The following FGF10 variants were observed in gnomAD, a reference collection of about 807,000 sequenced individuals.
FGF10 encodes fibroblast growth factor 10.
In FGF10, 2 loss-of-function variants were observed where a neutral mutation model predicts 19.8. That is an observed-to-expected ratio of 0.10 (90% CI 0.04 to 0.32). The LOEUF is 0.32. Ranked by LOEUF, FGF10 falls within the 10% of genes least tolerant of loss-of-function variation. FGF10 has a pLI of 1.00. For synonymous variants in FGF10, 112 were observed against 94.0 expected, an observed-to-expected ratio of 1.19 and a Z score of -1.10; for missense variants, 191 against 246.3, an observed-to-expected ratio of 0.78 and a Z score of 1.50.
At chr5:44,322,417 C>T (rs1471469149) in intron 1 of FGF10, among the ~76,000 whole-genome samples, 1 of 152,150 alleles carries the variant, frequency 6.6e-6, no homozygotes, top group Non-Finnish European at 1.5e-5. Flanking sequence ...GGCCTTCTTT[C>T]TCACAGCTGG....
intron 1 of FGF10, among the ~76,000 whole-genome samples, chr5:44,344,807 T>C (rs1028092843): frequency 6.6e-6 from 1 of 151,462 alleles, no homozygotes; most frequent in African/African-American, 2.4e-5. Context: ...AAGGAAGTTT[T>C]GGAACTTTCA....
chr5:44,341,521 G>A (rs979305939), intron 1 of FGF10, among the ~76,000 whole-genome samples: 3 of 151,746 alleles, frequency 2.0e-5, no homozygotes, highest in Admixed American at 2.0e-4. Flanking sequence ...CCTGATGAGT[G>A]TTTTCAAGTA....
chr5:44,306,727 A>G (rs1379228100), intron 2 of FGF10, among the ~76,000 whole-genome samples: 1 of 152,236 alleles, frequency 6.6e-6, no homozygotes, highest in African/African-American at 2.4e-5. Flanking sequence ...TACCAGCTCA[A>G]GTTATCTGTC....
chr5:44,388,537 G>A lies in FGF10; in HGVS notation c.146C>T (p.Ala49Val), dbSNP rs751081612. The stretch of plus-strand genomic sequence containing the variant: ...GAAGGAGGAGGAAGAAGAGTTGGTG[G>A]CCTCTGGTGACACCATGTCCTGACC... The part of the protein sequence containing the change: ...ALGQDMVSPE[A>V]TNSSSSSFSS... The change falls in exon 1 of 3, where the codon GCC becomes GTC. Residue 49 changes from alanine (A) to valine (V), a missense_variant. Transcript: ENST00000264664. 4.3e-5 allele frequency: 69 copies of A among 1,614,044 alleles called. 2 individuals carry two copies. The South Asian group carries it at 7.4e-4, about 17-fold the overall frequency.
rs567320271 is a variant in FGF10, at chr5:44,301,982, A to T, written c.*3013T>A. ...TTTATGAGGAGTATTCTCAGAACCA[A>T]AACTCAAATGGACACATATTTGTGG... On this transcript the variant is annotated 3_prime_UTR_variant, in exon 3 of 3. Transcript: ENST00000264664. Among the ~76,000 whole-genome samples, 4 of 152,126 alleles carry T rather than the reference A, an allele frequency of 2.6e-5. No individual in the cohort carries two copies. Among genetic ancestry groups the T allele is most frequent in the African/African-American group, 9.7e-5 (4 of 41,410 alleles).
At position 44,383,858 on chromosome 5, in the gene FGF10, A is replaced by G. The variant is rs1742040613; in HGVS notation, c.325+4500T>C. 3.3e-5 allele frequency among the ~76,000 whole-genome samples: 5 copies of G among 152,048 alleles called. No homozygotes were observed. The South Asian group carries it at 1.0e-3, about 32-fold the overall frequency. On this transcript the variant is annotated intron_variant, in intron 1 of 2. Coordinates refer to ENST00000264664, the MANE Select transcript of FGF10 (RefSeq NM_004465.2). ...TGGAAGCCATAAATTGTTTTTCTTC[A>G]CAGAAAACTCTTGTGTCGTTATTAG...
rs112563530 is a variant in FGF10 at position 44,342,076 on chromosome 5, G to T, written c.326-31546C>A. On this transcript the variant is annotated intron_variant, in intron 1 of 2. Coordinates refer to ENST00000264664, the MANE Select transcript of FGF10 (RefSeq NM_004465.2). ...ACCTCACTCTAGCAATAACATTTGT[G>T]AATTTAAAACTATCTGGAAGTTAGT... is the stretch of plus-strand genomic sequence containing the variant. 7.9e-5 allele frequency among the ~76,000 whole-genome samples: 12 copies of T among 151,934 alleles called. 3 individuals are homozygous for T. The highest frequency in any genetic ancestry group is 2.6e-4 in the African/African-American group (11 of 41,520).
At chr5:44,343,191 T>G (rs1195508980) in intron 1 of FGF10, among the ~76,000 whole-genome samples, 1 of 152,040 alleles carries the variant, frequency 6.6e-6, no homozygotes, top group African/African-American at 2.4e-5. Context: ...ATGTACAAGT[T>G]AGGTACAAGT....
At chr5:44,351,369 T>C (rs759006657) in intron 1 of FGF10, among the ~76,000 whole-genome samples, 1 of 151,604 alleles carries the variant, frequency 6.6e-6, no homozygotes, top group Non-Finnish European at 1.5e-5. Context: ...TTTTTGATAA[T>C]TAGAGATTAT....
At position 44,310,925 on chromosome 5, in the gene FGF10, A is replaced by G. The variant is rs546381636; in HGVS notation, c.326-395T>C. 1.6e-4 allele frequency among the ~76,000 whole-genome samples: 25 copies of G among 152,256 alleles called. No individual in the cohort carries two copies. The South Asian group carries it at 4.2e-3, about 25-fold the overall frequency. ...GCCCATATCTGTACTATGGTATTAAATTAAATCTGTAGCACATGTCAATAA... is the reference window on the plus strand; with the variant it reads ...GCCCATATCTGTACTATGGTATTAAGTTAAATCTGTAGCACATGTCAATAA... On this transcript the variant is annotated intron_variant, in intron 1 of 2. Transcript: ENST00000264664.
At chr5:44,353,396 T>C (rs1433059498) in intron 1 of FGF10, among the ~76,000 whole-genome samples, 1 of 151,636 alleles carries the variant, frequency 6.6e-6, no homozygotes, top group Non-Finnish European at 1.5e-5. Flanking sequence ...CTAAATGTTA[T>C]GATTTATAGC....
intron 1 of FGF10, among the ~76,000 whole-genome samples, chr5:44,371,425 G>T (rs979663296): frequency 1.3e-5 from 2 of 152,096 alleles, no homozygotes; most frequent in African/African-American, 2.4e-5. Flanking sequence ...AACAGAAAAT[G>T]AACTAAGGCA....
At chr5:44,353,666 CA>C (rs778270362) in intron 1 of FGF10, among the ~76,000 whole-genome samples, 1 of 151,508 alleles carries the variant, frequency 6.6e-6, no homozygotes, top group Non-Finnish European at 1.5e-5. Context: ...ACTTTTTCCT[CA>C]GCAAAAATAG....
intron 1 of FGF10, among the ~76,000 whole-genome samples, chr5:44,361,254 C>T (rs1333240345): frequency 6.6e-6 from 1 of 151,658 alleles, no homozygotes; most frequent in African/African-American, 2.4e-5. Flanking sequence ...GTCTTCTTAG[C>T]TTGTAGTTTA....
At chr5:44,320,868 C>T (rs1740469886) in intron 1 of FGF10, among the ~76,000 whole-genome samples, 1 of 152,044 alleles carries the variant, frequency 6.6e-6, no homozygotes, top group South Asian at 2.1e-4. Context: ...GCATGTGCCG[C>T]CATGCCTGAT....
At chr5:44,335,538 T>A (rs1465541993) in intron 1 of FGF10, among the ~76,000 whole-genome samples, 3 of 152,182 alleles carry the variant, frequency 2.0e-5, no homozygotes, top group Non-Finnish European at 4.4e-5. Flanking sequence ...ATGTTTGGCA[T>A]GTTAAACATA....
chr5:44,351,838 T>C (rs1250369928), intron 1 of FGF10, among the ~76,000 whole-genome samples: 1 of 151,654 alleles, frequency 6.6e-6, no homozygotes, highest in African/African-American at 2.4e-5. Context: ...TTACATTCCT[T>C]TTTTAAATTA....
chr5:44,353,645 T>C (rs1179327614), intron 1 of FGF10, among the ~76,000 whole-genome samples: 2 of 151,610 alleles, frequency 1.3e-5, no homozygotes, highest in Admixed American at 1.3e-4. Context: ...AAAATTAGAA[T>C]GTATCTAGAA....
intron 1 of FGF10, among the ~76,000 whole-genome samples, chr5:44,363,300 AT>A (rs1741533642): frequency 6.6e-6 from 1 of 151,832 alleles, no homozygotes; most frequent in Admixed American, 6.6e-5. Flanking sequence ...AAACACAATC[AT>A]TTTTAATGGC....
Sources: allele counts gnomAD v4.1 joint callset (sites outside exome capture counted in the v4.1 genomes callset), GRCh38; gene constraint gnomAD v4.1.1; transcripts MANE v1.5; gene names NCBI Gene and HGNC (gene_info 2026-07-23, HGNC 2026-07-21).